EFCAB13: variants seen among roughly 807,000 people sequenced by gnomAD.
EFCAB13 encodes EF-hand calcium binding domain 13.
In EFCAB13, 91 loss-of-function variants were observed where a neutral mutation model predicts 110.2. The ratio of observed to expected loss-of-function variants is 0.83; its 90% CI spans 0.70 to 0.98. The LOEUF (loss-of-function observed/expected upper bound fraction) is 0.98. EFCAB13 is among the 50% of genes least tolerant of loss of function. The pLI, the probability that EFCAB13 is intolerant of heterozygous loss-of-function variation, is 0.00. For missense variants in EFCAB13, 968 were observed against 1,119.4 expected (o/e 0.86, Z 1.93); for synonymous variants, 323 against 369.9 (o/e 0.87, Z 1.45).
intron 9 of EFCAB13, among the ~76,000 whole-genome samples, chr17:47,351,328 C>CGCAT (rs2065452145): frequency 1.5e-5 from 2 of 129,574 alleles, no homozygotes; most frequent in Non-Finnish European, 1.6e-5. Context: ...CGCGCGCGCG[C>CGCAT]CACGTTTTCT....
At chr17:47,347,749 G>C in intron 8 of EFCAB13, 59 bp from the exon 9 acceptor site, 1 of 1,247,694 alleles carries the variant, frequency 8.0e-7, no homozygotes, top group Non-Finnish European at 1.0e-6. Flanking sequence ...AGAGTGGGGG[G>C]AATAAGGATA....
At chr17:47,435,126 A>G (rs567041789) in intron 24 of EFCAB13, among the ~76,000 whole-genome samples, 14 of 152,330 alleles carry the variant, frequency 9.2e-5, no homozygotes, top group Non-Finnish European at 1.9e-4. Flanking sequence ...AATATTCACA[A>G]ACTCTACATC....
At chr17:47,352,631 G>T (rs527758293) in intron 9 of EFCAB13, among the ~76,000 whole-genome samples, 1 of 152,252 alleles carries the variant, frequency 6.6e-6, no homozygotes, top group Admixed American at 6.5e-5. Context: ...AATGACATTG[G>T]TATTTTGATG....
chr17:47,374,588 C>G lies in EFCAB13; in HGVS notation c.994C>G (p.Pro332Ala). 1 of 1,603,558 alleles carries G rather than the reference C, an allele frequency of 6.2e-7. No homozygotes were observed. The highest frequency in any genetic ancestry group is 8.5e-7 in the Non-Finnish European group (1 of 1,177,326). ...TAGTTTGTCTTCCAAACTCCCTGAA[C>G]CTTCAATATCCAAAAAGTTAAATAA... Reference protein sequence around the residue: ...KNSLSSKLPEPSISKKLNKKS... With the variant: ...KNSLSSKLPEASISKKLNKKS... The change falls in exon 12 of 25, where the codon CCT becomes GCT. Residue 332 changes from proline (P) to alanine (A), a missense_variant. By Grantham distance (27) the Pro-to-Ala change is conservative. Coordinates refer to ENST00000331493, the MANE Select transcript of EFCAB13 (RefSeq NM_152347.5).
chr17:47,420,825 C>T (rs553463083), intron 23 of EFCAB13, among the ~76,000 whole-genome samples: 2,652 of 151,826 alleles, frequency 0.017, 41 homozygotes, highest in Non-Finnish European at 0.027. Flanking sequence ...TGGGGGTCAG[C>T]CCCCACCAGG....
In EFCAB13 at chr17:47,438,744, T is replaced by C. The variant is rs147693425; in HGVS notation, c.2639-1687T>C. 1.3e-3 allele frequency among the ~76,000 whole-genome samples: 199 copies of C among 152,264 alleles called. 8 individuals carry two copies. In the East Asian group the frequency reaches 0.033, roughly 25 times the overall value. Reference sequence around the variant, plus strand: ...TGCATTGGGCTTTGTCTTTCTCTGGTCCCTCCCTGATTAGCTTAATAACTA... The same window carrying C: ...TGCATTGGGCTTTGTCTTTCTCTGGCCCCTCCCTGATTAGCTTAATAACTA... On this transcript the variant is annotated intron_variant, in intron 24 of 24. Transcript: ENST00000331493.
intron 4 of EFCAB13, among the ~76,000 whole-genome samples, chr17:47,334,114 CA>C: frequency 6.7e-6 from 1 of 150,186 alleles, no homozygotes; most frequent in Non-Finnish European, 1.5e-5. Flanking sequence ...TTTCCTTTAT[CA>C]AAGTTTTATA....
chr17:47,409,720 T>C, intron 21 of EFCAB13, 29 bp downstream of exon 21: 1 of 1,517,590 alleles, frequency 6.6e-7, no homozygotes, highest in Non-Finnish European at 9.1e-7. Context: ...TATGAGAAAA[T>C]TTTCAATAAT....
intron 9 of EFCAB13, among the ~76,000 whole-genome samples, chr17:47,361,163 A>C (rs553366459): frequency 6.6e-6 from 1 of 152,360 alleles, no homozygotes; most frequent in South Asian, 2.1e-4. Context: ...GATTGTTAAC[A>C]TAAGAATATG....
intron 23 of EFCAB13, among the ~76,000 whole-genome samples, chr17:47,417,067 T>C (rs563838498): frequency 8.5e-5 from 13 of 152,324 alleles, no homozygotes; most frequent in African/African-American, 2.9e-4. Flanking sequence ...TTAACACATA[T>C]CTTTACGGCA....
At chr17:47,328,202 TA>T in intron 3 of EFCAB13, 66 bp from the exon 4 acceptor site, 2 of 738,136 alleles carry the variant, frequency 2.7e-6, no homozygotes, top group Admixed American at 2.2e-5. Context: ...TAACTTCAGG[TA>T]GGTAAATATA....
At chr17:47,427,106 G>T (rs1024422490) in intron 23 of EFCAB13, among the ~76,000 whole-genome samples, 4 of 152,048 alleles carry the variant, frequency 2.6e-5, no homozygotes, top group Non-Finnish European at 5.9e-5. Flanking sequence ...GCATTTCCCT[G>T]TAGTAGCTAC....
chr17:47,398,466 T>G lies in EFCAB13; in HGVS notation c.1945+2489T>G, dbSNP rs558687780. ...ATTGAGAAATCGGATGGTTGCCGTG[T>G]CTGTGTAGAAAGAGGTAGACATGGG... On this transcript the variant is annotated intron_variant, in intron 17 of 24. Coordinates refer to ENST00000331493, the MANE Select transcript of EFCAB13 (RefSeq NM_152347.5). Among the ~76,000 whole-genome samples, 39 of 151,482 alleles carry G rather than the reference T, an allele frequency of 2.6e-4. No individual in the cohort carries two copies. The East Asian group carries it at 4.1e-3, about 16-fold the overall frequency.
rs1420484010 is a variant in EFCAB13 at position 47,391,544 on chromosome 17, G to T, written c.1690G>T (p.Glu564Ter). 7 of 1,591,538 alleles carry T rather than the reference G, an allele frequency of 4.4e-6. No homozygotes were observed. In the African/African-American group the frequency reaches 8.1e-5, roughly 18 times the overall value. Residue 564 changes from glutamate to a stop codon, truncating the protein, a stop_gained, in exon 15 of 25, where the codon GAA becomes TAA. Coordinates refer to ENST00000331493, the MANE Select transcript of EFCAB13 (RefSeq NM_152347.5). LOFTEE classifies it high-confidence loss of function. Reference protein sequence around the residue: ...QNFGIYLSKPEFKKITELTEA... With the variant: ...QNFGIYLSKP Reference sequence around the variant, plus strand: ...TTTTGGTATTTACCTTTCTAAGCCAGAATTTAAGAAGATCACAGAACTGAC... The same window carrying T: ...TTTTGGTATTTACCTTTCTAAGCCATAATTTAAGAAGATCACAGAACTGAC...
intron 6 of EFCAB13, 131 bp downstream of exon 6, chr17:47,342,163 C>A: frequency 1.8e-6 from 1 of 547,554 alleles, no homozygotes; most frequent in Non-Finnish European, 3.2e-6. Flanking sequence ...TCTTGCTTCT[C>A]CTCTTCTGTT....
chr17:47,420,408 A>G (rs1189656098), intron 23 of EFCAB13, among the ~76,000 whole-genome samples: 3 of 135,650 alleles, frequency 2.2e-5, no homozygotes, highest in African/African-American at 8.4e-5. Flanking sequence ...CTGGCCGCCC[A>G]TCATCTGGGA....
At chr17:47,414,707 T>A in intron 22 of EFCAB13, 141 bp from the exon 23 acceptor site, 2 of 649,770 alleles carry the variant, frequency 3.1e-6, no homozygotes, top group Non-Finnish European at 5.5e-6. Flanking sequence ...TTAAAAGTTC[T>A]ATTGAAATAG....
At chr17:47,384,896 C>T (rs978744966) in intron 14 of EFCAB13, among the ~76,000 whole-genome samples, 9 of 152,002 alleles carry the variant, frequency 5.9e-5, no homozygotes, top group South Asian at 2.1e-4. Flanking sequence ...CAGCCTCCCA[C>T]GTAGCTGGGA....
chr17:47,351,304 T>TGTGTGTGTGTGTGTGC (rs1280645583), intron 9 of EFCAB13, among the ~76,000 whole-genome samples: 2 of 122,980 alleles, frequency 1.6e-5, no homozygotes, highest in East Asian at 3.2e-4. Flanking sequence ...TGTGTGTGTG[T>TGTGTGTGTGTGTGTGC]GCGCGCGCGC....
Sources: gnomAD v4.1 joint callset for allele counts (sites outside exome capture counted in the v4.1 genomes callset) on GRCh38, gnomAD v4.1.1 for gene constraint, MANE v1.5 for transcripts, NCBI Gene and HGNC (gene_info 2026-07-23, HGNC 2026-07-21) for gene names.